Variants in MS4A15 observed in about 807,000 individuals in gnomAD.
MS4A15 encodes membrane-spanning 4-domains subfamily A member 15.
Under a neutral mutation model 20.6 loss-of-function variants are expected in MS4A15, and 22 were observed. The ratio of observed to expected loss-of-function variants is 1.07; its 90% CI spans 0.76 to 1.52. MS4A15 has a LOEUF of 1.52. Among genes scored for constraint, MS4A15 ranks in the 40% most tolerant of loss-of-function variants. The pLI is 0.00. For synonymous variants in MS4A15, 129 were observed against 129.3 expected (o/e 1.00, Z 0.02); for missense variants, 312 against 323.0 (o/e 0.97, Z 0.26).
intron 6 of MS4A15, 137 bp from the exon 7 acceptor site, chr11:60,775,468 G>A: frequency 1.5e-6 from 1 of 679,328 alleles, no homozygotes; most frequent in Non-Finnish European, 2.6e-6. Flanking sequence ...TGCACGGAGA[G>A]CCCTGAGCAT....
Position 60,763,893 on chromosome 11 carries a change from G to T in MS4A15, c.160G>T (p.Ala54Ser). The change falls in exon 2 of 7, where the codon GCC becomes TCC. Residue 54 changes from alanine to serine, a missense_variant. Physicochemically the swap from Ala to Ser is moderately conservative, Grantham distance 99. Coordinates refer to ENST00000405633, the MANE Select transcript of MS4A15 (RefSeq NM_001098835.2). ...EPPLGAQTPRATQPPDLRPVE... is the reference protein window; with the variant it reads ...EPPLGAQTPRSTQPPDLRPVE... ...ACCGCTGGGGGCACAGACACCAAGG[G>T]CCACACAGCCACCTGACTTGCGGCC... The T allele has an allele frequency of 6.2e-7, 1 of 1,613,032 alleles. No individual in the cohort carries two copies. Among genetic ancestry groups the T allele is most frequent in the Non-Finnish European group, 8.5e-7 (1 of 1,179,882 alleles).
At chr11:60,763,661 T>C in intron 1 of MS4A15, 45 bp from the exon 2 acceptor site, 1 of 1,534,508 alleles carries the variant, frequency 6.5e-7, no homozygotes, top group South Asian at 1.1e-5. Flanking sequence ...TAAAAAGCTT[T>C]ATGCACATGG....
At chr11:60,758,506 C>G (rs970177518) in intron 1 of MS4A15, among the ~76,000 whole-genome samples, 3 of 152,136 alleles carry the variant, frequency 2.0e-5, no homozygotes, top group African/African-American at 7.2e-5. Flanking sequence ...TAAAGCATGC[C>G]AAAATATAGG....
At chr11:60,763,570 TC>T in intron 1 of MS4A15, 135 bp from the exon 2 acceptor site, 1 of 689,448 alleles carries the variant, frequency 1.5e-6, no homozygotes, top group Non-Finnish European at 2.4e-6. Context: ...AGTCTCAGCT[TC>T]CCCAGCTTTG....
chr11:60,764,074 A>G, intron 2 of MS4A15, 116 bp downstream of exon 2: 1 of 954,378 alleles, frequency 1.0e-6, no homozygotes, highest in Non-Finnish European at 1.6e-6. Flanking sequence ...GTAATGACTC[A>G]AAGATTCAGC....
At chr11:60,758,470 A>G (rs1023097020) in intron 1 of MS4A15, among the ~76,000 whole-genome samples, 4 of 152,232 alleles carry the variant, frequency 2.6e-5, no homozygotes, top group Non-Finnish European at 5.9e-5. Flanking sequence ...AGTCTAAGCC[A>G]CTGCCACTGA....
At chr11:60,768,896 G>A (rs1853950905) in intron 3 of MS4A15, among the ~76,000 whole-genome samples, 1 of 152,210 alleles carries the variant, frequency 6.6e-6, no homozygotes, top group Non-Finnish European at 1.5e-5. Context: ...CCTCCAGCAA[G>A]AGCACAAAAT....
At chr11:60,773,738 T>A in intron 5 of MS4A15, 99 bp from the exon 6 acceptor site, 1 of 1,025,496 alleles carries the variant, frequency 9.8e-7, no homozygotes, top group Admixed American at 1.7e-5. Flanking sequence ...ACAGCTCTGC[T>A]CCCAACTAGC....
chr11:60,775,527 C>T (rs1315782398), intron 6 of MS4A15, 78 bp from the exon 7 acceptor site: 11 of 1,174,384 alleles, frequency 9.4e-6, no homozygotes, highest in Non-Finnish European at 1.4e-5. Flanking sequence ...TCTCAGATTA[C>T]CCACAAGGGG....
At chr11:60,757,443 C>G (rs971216823) in intron 1 of MS4A15, among the ~76,000 whole-genome samples, 1 of 152,154 alleles carries the variant, frequency 6.6e-6, no homozygotes, top group Non-Finnish European at 1.5e-5. Context: ...CCGTCTTTGC[C>G]TGAAGGGAAT....
chr11:60,761,375 C>T (rs181723703), intron 1 of MS4A15, among the ~76,000 whole-genome samples: 1 of 152,348 alleles, frequency 6.6e-6, no homozygotes, highest in African/African-American at 2.4e-5. Flanking sequence ...ACTAATCTTA[C>T]TGAGGTCTCT....
At position 60,776,675 on chromosome 11, in the gene MS4A15, G is replaced by A. The variant is rs189814509; in HGVS notation, c.*960G>A. 6.6e-6 allele frequency: 1 copy of A among 152,358 alleles called. No homozygotes were observed. Among genetic ancestry groups the A allele is most frequent in the East Asian group, 1.9e-4 (1 of 5,182 alleles). The allele number at this position is 152,358 out of a possible 1,614,324, so 9.4% of individuals were successfully genotyped here. A position where few individuals can be genotyped will look rare whatever the true frequency, so the allele number is the denominator to read the frequency against. The stretch of plus-strand genomic sequence containing the variant: ...CTGGTGTTCACCAGGCCTGGTAGAT[G>A]AGATGGCTTGTCTCATCCACACCAC... On this transcript the variant is annotated 3_prime_UTR_variant, in exon 7 of 7. Transcript: ENST00000405633.
intron 1 of MS4A15, among the ~76,000 whole-genome samples, chr11:60,763,430 A>T (rs553950133): frequency 1.3e-5 from 2 of 152,162 alleles, no homozygotes; most frequent in Admixed American, 6.5e-5. Flanking sequence ...ACACTCCTCC[A>T]AAAGGAGCTT....
rs758672100 is a variant in MS4A15 at position 60,763,777 on chromosome 11, C to T, written c.44C>T (p.Pro15Leu). ...PASNGVFVVIPPNNASGLCPP... is the reference protein window; with the variant it reads ...PASNGVFVVILPNNASGLCPP... ...AGCAATGGAGTGTTTGTTGTCATCC[C>T]GCCAAACAACGCCAGTGGCCTCTGC... Residue 15 changes from proline (P) to leucine (L), a missense_variant, in exon 2 of 7, where the codon CCG becomes CTG. By Grantham distance (98) the Pro-to-Leu change is moderately conservative. Coordinates refer to ENST00000405633, the MANE Select transcript of MS4A15 (RefSeq NM_001098835.2). 9.9e-6 allele frequency: 16 copies of T among 1,612,172 alleles called. No homozygotes were observed. Among genetic ancestry groups the T allele is most frequent in the Non-Finnish European group, 1.3e-5 (15 of 1,179,902 alleles).
intron 1 of MS4A15, among the ~76,000 whole-genome samples, chr11:60,763,078 C>T (rs529057218): frequency 1.3e-5 from 2 of 152,258 alleles, no homozygotes; most frequent in East Asian, 1.9e-4. Context: ...CACCCCCGCT[C>T]GAGGCCCACT....
At chr11:60,757,653 C>T (rs1853627767) in intron 1 of MS4A15, among the ~76,000 whole-genome samples, 1 of 152,198 alleles carries the variant, frequency 6.6e-6, no homozygotes, top group Non-Finnish European at 1.5e-5. Flanking sequence ...TTAAAGGGAC[C>T]TGTATTCGTT....
chr11:60,771,324 G>T lies in MS4A15; in HGVS notation c.382G>T (p.Glu128Ter), dbSNP rs755734116. ...IISGSLSVAA[E>*]KNHTSCLVRS... is the part of the protein sequence containing the mutation. Reference sequence around the variant, plus strand: ...CTCCGGATCCCTCTCAGTGGCAGCCGAGAAGAACCACACCAGTTGCCTGGT... The same window carrying T: ...CTCCGGATCCCTCTCAGTGGCAGCCTAGAAGAACCACACCAGTTGCCTGGT... The change falls in exon 4 of 7, where the codon GAG becomes TAG. Residue 128 changes from glutamate to a stop codon, truncating the protein, a stop_gained. Coordinates refer to ENST00000405633, the MANE Select transcript of MS4A15 (RefSeq NM_001098835.2). LOFTEE classifies it high-confidence loss of function. 1.2e-6 allele frequency: 2 copies of T among 1,614,002 alleles called. No homozygotes were observed. The highest frequency in any genetic ancestry group is 1.3e-5 in the African/African-American group (1 of 74,910).
chr11:60,771,875 A>G, intron 4 of MS4A15: 1 of 779,498 alleles, frequency 1.3e-6, no homozygotes, highest in Non-Finnish European at 1.8e-6. Context: ...GGCTTTGAAC[A>G]GGAGGGTATG....
At chr11:60,775,463 G>A (rs896993986) in intron 6 of MS4A15, 142 bp from the exon 7 acceptor site, 24 of 643,684 alleles carry the variant, frequency 3.7e-5, no homozygotes, top group Middle Eastern at 8.9e-4. Context: ...TTGGTTGCAC[G>A]GAGAGCCCTG....
Sources: allele counts gnomAD v4.1 joint callset (sites outside exome capture counted in the v4.1 genomes callset), GRCh38; gene constraint gnomAD v4.1.1; transcripts MANE v1.5; gene names NCBI Gene and HGNC (gene_info 2026-07-23, HGNC 2026-07-21).